PDE4D: variants seen among roughly 807,000 people sequenced by gnomAD.
PDE4D encodes the protein phosphodiesterase 4D, also known as 3',5'-cyclic-AMP phosphodiesterase 4D.
PDE4D carries 24 observed loss-of-function variants against 87.4 expected under a neutral mutation model. That is an observed-to-expected ratio of 0.27 (90% CI 0.20 to 0.39). PDE4D has a LOEUF of 0.39. Among genes scored for constraint, PDE4D ranks in the 10% least tolerant of loss-of-function variants. The pLI, the probability that PDE4D is intolerant of heterozygous loss-of-function variation, is 1.00. For missense variants in PDE4D, 714 were observed against 1,041.0 expected (o/e 0.69, Z 4.32); for synonymous variants, 384 against 383.2 (o/e 1.00, Z -0.02).
Position 59,529,466 on chromosome 5 carries a change from A to G in PDE4D, c.456-313498T>C, listed in dbSNP as rs150253075. Among the ~76,000 whole-genome samples the G allele has an allele frequency of 3.4e-3, 517 of 152,290 alleles. 1 individual carries two copies. The highest frequency in any genetic ancestry group is 0.012 in the African/African-American group (495 of 41,568). On this transcript the variant is annotated intron_variant, in intron 1 of 14. Coordinates refer to ENST00000340635, the MANE Select transcript of PDE4D (RefSeq NM_001104631.2). ...CACAGAGCCAGCCAATGACACATCA[A>G]CACTGACAAGGAGAAGGATGTGCAG...
intron 5 of PDE4D, among the ~76,000 whole-genome samples, chr5:59,153,613 G>T (rs1779746589): frequency 6.6e-6 from 1 of 152,138 alleles, no homozygotes; most frequent in Admixed American, 6.5e-5. Context: ...GATGTTCTGA[G>T]AAGAGATGTA....
chr5:60,432,137 T>G (rs1000123771), intron 1 of PDE4D, among the ~76,000 whole-genome samples: 2 of 150,536 alleles, frequency 1.3e-5, no homozygotes, highest in Admixed American at 6.6e-5. Flanking sequence ...TTTTTTTATG[T>G]GCTGCTGGAT....
At chr5:59,269,029 T>G (rs1357430327) in intron 1 of PDE4D, among the ~76,000 whole-genome samples, 1 of 152,150 alleles carries the variant, frequency 6.6e-6, no homozygotes, top group East Asian at 1.9e-4. Context: ...AAGTGAGCTA[T>G]TCCTTTACCT....
intron 1 of PDE4D, among the ~76,000 whole-genome samples, chr5:59,830,516 T>C (rs534934120): frequency 3.9e-5 from 6 of 152,226 alleles, no homozygotes; most frequent in Non-Finnish European, 7.4e-5. Flanking sequence ...GTCGGAGACA[T>C]TAAGGGAAGA....
At chr5:59,524,364 G>A (rs1396495625) in intron 1 of PDE4D, among the ~76,000 whole-genome samples, 1 of 152,194 alleles carries the variant, frequency 6.6e-6, no homozygotes, top group Non-Finnish European at 1.5e-5. Flanking sequence ...GAACTTGTTA[G>A]AAACTGGAGT....
At chr5:59,406,327 A>G (rs1791611008) in intron 1 of PDE4D, among the ~76,000 whole-genome samples, 2 of 150,314 alleles carry the variant, frequency 1.3e-5, no homozygotes, top group Non-Finnish European at 2.9e-5. Context: ...TCCTAGTAGC[A>G]TCTAATGATC....
chr5:59,202,576 G>T (rs1287101218), intron 2 of PDE4D, among the ~76,000 whole-genome samples: 12 of 151,654 alleles, frequency 7.9e-5, no homozygotes, highest in African/African-American at 2.4e-5. Flanking sequence ...TTCTCATCTT[G>T]AATTTTAACT....
chr5:59,367,070 G>C (rs1291222819), intron 1 of PDE4D, among the ~76,000 whole-genome samples: 1 of 152,194 alleles, frequency 6.6e-6, no homozygotes, highest in African/African-American at 2.4e-5. Flanking sequence ...TGCTCCAAGA[G>C]CTGTGGAAAA....
chr5:59,676,717 T>C (rs1748150722), intron 1 of PDE4D, among the ~76,000 whole-genome samples: 1 of 152,218 alleles, frequency 6.6e-6, no homozygotes, highest in Non-Finnish European at 1.5e-5. Context: ...TTTCAATACA[T>C]ACAATGCATA....
At chr5:59,535,775 C>T (rs887770366) in intron 1 of PDE4D, among the ~76,000 whole-genome samples, 8 of 152,116 alleles carry the variant, frequency 5.3e-5, no homozygotes, top group Non-Finnish European at 1.2e-4. Context: ...TTTTAAAAGG[C>T]ATCAGAGGAG....
At chr5:59,526,813 ATGGTGT>A (rs1328573514) in intron 1 of PDE4D, among the ~76,000 whole-genome samples, 2 of 151,964 alleles carry the variant, frequency 1.3e-5, no homozygotes, top group Non-Finnish European at 2.9e-5. Flanking sequence ...TTTTGTACAT[ATGGTGT>A]TTTGCCATAT....
At chr5:59,813,510 C>T (rs72751270) in intron 1 of PDE4D, among the ~76,000 whole-genome samples, 34,418 of 151,604 alleles carry the variant, frequency 0.23, 4,870 homozygotes, top group Admixed American at 0.34. Flanking sequence ...ACCTTTCCCC[C>T]GGGGAATTAA....
chr5:59,444,174 AC>A (rs1798028227), intron 1 of PDE4D, among the ~76,000 whole-genome samples: 1 of 152,202 alleles, frequency 6.6e-6, no homozygotes, highest in Admixed American at 6.5e-5. Flanking sequence ...ATTCATACTT[AC>A]AGCATAGTGA....
chr5:59,226,786 T>C (rs1753862309), intron 1 of PDE4D, among the ~76,000 whole-genome samples: 1 of 152,082 alleles, frequency 6.6e-6, no homozygotes, highest in Non-Finnish European at 1.5e-5. Context: ...CTAGAAATCA[T>C]GAGAACTTCA....
chr5:60,296,604 A>G (rs1320261671), intron 1 of PDE4D, among the ~76,000 whole-genome samples: 2 of 152,134 alleles, frequency 1.3e-5, no homozygotes, highest in African/African-American at 2.4e-5. Context: ...ATGTTTTCCA[A>G]TCTCCTTCCC....
chr5:60,024,151 A>G (rs1296350139), intron 2 of PDE4D, among the ~76,000 whole-genome samples: 1 of 152,198 alleles, frequency 6.6e-6, no homozygotes, highest in Admixed American at 6.5e-5. Context: ...TTTCTAATTC[A>G]ACTATAAGTG....
At position 59,670,487 on chromosome 5, in the gene PDE4D, A is replaced by G. The variant is rs578098204; in HGVS notation, c.455+222681T>C. On this transcript the variant is annotated intron_variant, in intron 1 of 14. Coordinates refer to ENST00000340635, the MANE Select transcript of PDE4D (RefSeq NM_001104631.2). The stretch of plus-strand genomic sequence containing the variant: ...GTTTCACGTACGAAAGCATTTTAAA[A>G]TATTGTATACAATTATTTTCAGCCT... 5.3e-5 allele frequency among the ~76,000 whole-genome samples: 8 copies of G among 152,340 alleles called. No individual in the cohort carries two copies. In the East Asian group the frequency reaches 9.6e-4, roughly 18 times the overall value.
chr5:59,289,194 G>C (rs1767544255), intron 1 of PDE4D, among the ~76,000 whole-genome samples: 1 of 151,878 alleles, frequency 6.6e-6, no homozygotes, highest in Non-Finnish European at 1.5e-5. Flanking sequence ...GTTTTAAAGC[G>C]GGGGACAAAG....
intron 3 of PDE4D, among the ~76,000 whole-genome samples, chr5:59,916,954 A>AT (rs750105496): frequency 0.089 from 6,556 of 73,642 alleles, 651 homozygotes; most frequent in African/African-American, 0.16. Flanking sequence ...TGCCCGGCTA[A>AT]TTTTTTTTTT....
Sources: gnomAD v4.1 joint callset for allele counts (sites outside exome capture counted in the v4.1 genomes callset) on GRCh38, gnomAD v4.1.1 for gene constraint, MANE v1.5 for transcripts, NCBI Gene and HGNC (gene_info 2026-07-23, HGNC 2026-07-21) for gene names.